The following STIMATE variants were observed in gnomAD, a reference collection of about 807,000 sequenced individuals.
The protein encoded by STIMATE is store-operated calcium entry regulator STIMATE.
In STIMATE, 15 loss-of-function variants were observed where a neutral mutation model predicts 36.7. That is an observed-to-expected ratio of 0.41 (90% CI 0.27 to 0.63). The LOEUF (loss-of-function observed/expected upper bound fraction) is 0.63. STIMATE is among the 20% of genes least tolerant of loss of function. STIMATE has a pLI of 0.32. For synonymous variants in STIMATE, 163 were observed against 162.3 expected (o/e 1.00, Z -0.03); for missense variants, 305 against 397.3 (o/e 0.77, Z 1.98).
At chr3:52,888,755 A>C (rs1701734247) in intron 1 of STIMATE, among the ~76,000 whole-genome samples, 1 of 152,372 alleles carries the variant, frequency 6.6e-6, no homozygotes, top group Non-Finnish European at 1.5e-5. Flanking sequence ...TGTGTGAAAA[A>C]GCAGAGTTGG....
rs2106640460 is a variant in STIMATE, at chr3:52,838,499, T to G, written c.*1995A>C. On this transcript the variant is annotated 3_prime_UTR_variant, in exon 8 of 8. Transcript: ENST00000355083. ...TCAGGAACATGAGTCTTGGTCTTCCTAAATTCGACTGAGAATGGCCTGGTT... is the reference window on the plus strand; with the variant it reads ...TCAGGAACATGAGTCTTGGTCTTCCGAAATTCGACTGAGAATGGCCTGGTT... 1 of 152,310 alleles carries G rather than the reference T, an allele frequency of 6.6e-6. No homozygotes were observed. The highest frequency in any genetic ancestry group is 6.5e-5 in the Admixed American group (1 of 15,304). 9.4% of individuals were successfully genotyped at this position (152,310 alleles called of 1,614,324 possible). A position where few individuals can be genotyped will look rare whatever the true frequency, so the allele number is the denominator to read the frequency against.
At chr3:52,861,352 A>C (rs1427455689) in intron 1 of STIMATE, among the ~76,000 whole-genome samples, 2 of 152,292 alleles carry the variant, frequency 1.3e-5, no homozygotes, top group East Asian at 3.9e-4. Flanking sequence ...GAGATGCACC[A>C]ATTGTCCCCA....
At chr3:52,852,224 C>T (rs2336558) in intron 3 of STIMATE, among the ~76,000 whole-genome samples, 78,870 of 152,116 alleles carry the variant, frequency 0.52, 21,671 homozygotes, top group East Asian at 0.62. Context: ...GAATGGCTGA[C>T]GCCACAGAGA....
rs563744014 is a variant in STIMATE at position 52,886,534 on chromosome 3, T to C, written c.160+10757A>G. 3.3e-5 allele frequency among the ~76,000 whole-genome samples: 5 copies of C among 152,380 alleles called. No homozygotes were observed. In the South Asian group the frequency reaches 1.0e-3, roughly 32 times the overall value. ...AGCACTTACAAGACTTGACACGTAA[T>C]GAGTACTCTACACATGTGACTCAGT... On this transcript the variant is annotated intron_variant, in intron 1 of 7. Transcript: ENST00000355083.
At chr3:52,876,005 A>G (rs1362937537) in intron 1 of STIMATE, among the ~76,000 whole-genome samples, 1 of 152,194 alleles carries the variant, frequency 6.6e-6, no homozygotes, top group African/African-American at 2.4e-5. Context: ...ACCATCAAAG[A>G]CAGCCTCCTC....
At chr3:52,845,651 C>T (rs1674449205) in intron 4 of STIMATE, among the ~76,000 whole-genome samples, 1 of 152,200 alleles carries the variant, frequency 6.6e-6, no homozygotes, top group Non-Finnish European at 1.5e-5. Context: ...AGTCACCATG[C>T]TTGAGAAACC....
intron 1 of STIMATE, among the ~76,000 whole-genome samples, chr3:52,868,438 A>G (rs1701348210): frequency 6.6e-6 from 1 of 152,204 alleles, no homozygotes; most frequent in Non-Finnish European, 1.5e-5. Flanking sequence ...CAAGTCAGGA[A>G]CAGCTTGAAA....
At chr3:52,856,675 C>T (rs1701103301) in intron 1 of STIMATE, among the ~76,000 whole-genome samples, 1 of 151,898 alleles carries the variant, frequency 6.6e-6, no homozygotes, top group African/African-American at 2.4e-5. Flanking sequence ...CAGAGCGAGA[C>T]TCTACCTCAA....
intron 1 of STIMATE, among the ~76,000 whole-genome samples, chr3:52,880,348 G>C (rs968669349): frequency 1.3e-5 from 2 of 152,214 alleles, no homozygotes; most frequent in Non-Finnish European, 2.9e-5. Flanking sequence ...CACAGAACCA[G>C]AGAAAGCAGA....
rs1380264053 is a variant in STIMATE at position 52,890,355 on chromosome 3, T to C, written c.160+6936A>G. Among the ~76,000 whole-genome samples the C allele has an allele frequency of 3.3e-5, 5 of 152,396 alleles. No individual in the cohort carries two copies. In the East Asian group the frequency reaches 9.6e-4, roughly 29 times the overall value. ...ACACTGACCTTCTAATCTGTTCTTC[T>C]AGAGCAAATATGAGTTTGCTGAGAA... is the stretch of plus-strand genomic sequence containing the variant. On this transcript the variant is annotated intron_variant, in intron 1 of 7. Coordinates refer to ENST00000355083, the MANE Select transcript of STIMATE (RefSeq NM_198563.5).
intron 1 of STIMATE, among the ~76,000 whole-genome samples, chr3:52,867,937 T>C (rs1370028467): frequency 2.0e-5 from 3 of 152,192 alleles, no homozygotes; most frequent in African/African-American, 7.2e-5. Flanking sequence ...AAGCCATGCC[T>C]GGCTGGTCCT....
chr3:52,871,428 C>T (rs938521315), intron 1 of STIMATE, among the ~76,000 whole-genome samples: 2 of 152,118 alleles, frequency 1.3e-5, no homozygotes, highest in Non-Finnish European at 2.9e-5. Flanking sequence ...CCTGGCATCT[C>T]CCATCTTAGT....
At chr3:52,896,977 G>A (rs1157706415) in intron 1 of STIMATE, among the ~76,000 whole-genome samples, 1 of 152,184 alleles carries the variant, frequency 6.6e-6, no homozygotes, top group Non-Finnish European at 1.5e-5. Context: ...TCACCCTTGG[G>A]GGTCATGATT....
chr3:52,864,020 C>T (rs1404547274), intron 1 of STIMATE, among the ~76,000 whole-genome samples: 2 of 152,372 alleles, frequency 1.3e-5, no homozygotes, highest in South Asian at 2.1e-4. Context: ...TCCAGGCTAA[C>T]AGCGCAAGCT....
At position 52,844,865 on chromosome 3, in the gene STIMATE, G is replaced by A. The variant is rs150129558; in HGVS notation, c.504C>T (p.Val168=). The change falls in exon 5 of 8, where the codon GTC becomes GTT. Residue 168 remains valine, a synonymous_variant. Transcript: ENST00000355083. ...YIVIMIFEKS[V]VFIVLLILQW... is the part of the protein sequence containing the mutation. ...GAAGTATTAGGAGGACGATGAAGACGACAGACTTTTCAAAAATCATGATCA... is the reference window on the plus strand; with the variant it reads ...GAAGTATTAGGAGGACGATGAAGACAACAGACTTTTCAAAAATCATGATCA... 85 of 1,614,126 alleles carry A rather than the reference G, an allele frequency of 5.3e-5. No homozygotes were observed. In the African/African-American group the frequency reaches 8.3e-4, roughly 16 times the overall value.
At chr3:52,878,646 C>G (rs951489395) in intron 1 of STIMATE, among the ~76,000 whole-genome samples, 1 of 152,164 alleles carries the variant, frequency 6.6e-6, no homozygotes, top group African/African-American at 2.4e-5. Context: ...GTCTCGTGAG[C>G]CTACCTAAAT....
At chr3:52,880,090 G>A (rs1265791841) in intron 1 of STIMATE, among the ~76,000 whole-genome samples, 1 of 152,186 alleles carries the variant, frequency 6.6e-6, no homozygotes, top group African/African-American at 2.4e-5. Flanking sequence ...TTTGAAACAG[G>A]TTTGCTATGC....
chr3:52,892,537 T>C (rs1182793645), intron 1 of STIMATE, among the ~76,000 whole-genome samples: 1 of 152,182 alleles, frequency 6.6e-6, no homozygotes. Flanking sequence ...CTGATTGAGT[T>C]TGTGCTGGGT....
chr3:52,895,895 C>A, intron 1 of STIMATE: 2 of 1,289,802 alleles, frequency 1.6e-6, no homozygotes, highest in Non-Finnish European at 2.0e-6. Context: ...TGAAAACACA[C>A]ACGTACAGTA....
Sources: allele counts gnomAD v4.1 joint callset (sites outside exome capture counted in the v4.1 genomes callset), GRCh38; gene constraint gnomAD v4.1.1; transcripts MANE v1.5; gene names NCBI Gene and HGNC (gene_info 2026-07-23, HGNC 2026-07-21).